The following EXOC3 variants were observed in gnomAD, a reference collection of about 807,000 sequenced individuals.
EXOC3 encodes the protein SEC6-like 1.
Under a neutral mutation model 73.7 loss-of-function variants are expected in EXOC3, and 21 were observed. The ratio of observed to expected loss-of-function variants is 0.29; its 90% CI spans 0.20 to 0.41. EXOC3 has a LOEUF of 0.41. Ranked by LOEUF, EXOC3 falls within the 10% of genes least tolerant of loss-of-function variation. The probability of loss-of-function intolerance (pLI) is 1.00; values close to 1 mark genes in which losing one functional copy is unlikely to be tolerated. For missense variants in EXOC3, 842 were observed against 985.1 expected (o/e 0.85, Z 1.95); for synonymous variants, 410 against 389.1 (o/e 1.05, Z -0.63).
intron 12 of EXOC3, chr5:466,472 T>C: frequency 2.0e-6 from 1 of 495,220 alleles, no homozygotes. Context: ...CTCCACGGTC[T>C]CCCCTCTGGT....
intron 3 of EXOC3, 48 bp from the exon 4 acceptor site, chr5:453,322 T>G: frequency 2.8e-6 from 4 of 1,447,158 alleles, no homozygotes; most frequent in Non-Finnish European, 3.8e-6. Flanking sequence ...CAGGCAGCCT[T>G]TTATGTGGTG....
At position 465,168 on chromosome 5, in the gene EXOC3, C is replaced by A. The variant is rs1401308315; in HGVS notation, c.1834C>A (p.Gln612Lys). Reference protein sequence around the residue: ...VVVEYLRAVMQKRISFRSPEE... With the variant: ...VVVEYLRAVMKKRISFRSPEE... ...GGTGGAGTACCTGCGGGCGGTCATG[C>A]AGAAGCGCATTTCCTTCCGGAGCCC... The change falls in exon 11 of 13, where the codon CAG becomes AAG. Residue 612 changes from glutamine (Q) to lysine (K), a missense_variant. By Grantham distance (53) the Gln-to-Lys change is moderately conservative. Coordinates refer to ENST00000512944, the MANE Select transcript of EXOC3 (RefSeq NM_007277.5). 1.3e-6 allele frequency: 2 copies of A among 1,597,166 alleles called. No individual in the cohort carries two copies. Among genetic ancestry groups the A allele is most frequent in the Non-Finnish European group, 1.7e-6 (2 of 1,172,598 alleles).
intron 1 of EXOC3, 43 bp from the exon 2 acceptor site, chr5:446,107 G>A: frequency 7.2e-7 from 1 of 1,382,688 alleles, no homozygotes; most frequent in East Asian, 2.3e-5. Context: ...GTTTGGGGGA[G>A]GTTTTGTACC....
chr5:464,561 C>G (rs933238085), intron 10 of EXOC3, 149 bp downstream of exon 10: 1 of 775,040 alleles, frequency 1.3e-6, no homozygotes, highest in Non-Finnish European at 2.1e-6. Flanking sequence ...GCTCTGCGGA[C>G]GCCACCTCCC....
intron 9 of EXOC3, among the ~76,000 whole-genome samples, chr5:464,039 G>T (rs1006982491): frequency 6.6e-6 from 1 of 152,270 alleles, no homozygotes; most frequent in Non-Finnish European, 1.5e-5. Context: ...GCAGTGTGAC[G>T]TAGCAAAGAT....
intron 1 of EXOC3, among the ~76,000 whole-genome samples, chr5:445,441 C>T (rs1386457628): frequency 3.3e-5 from 5 of 151,876 alleles, no homozygotes; most frequent in Admixed American, 1.3e-4. Flanking sequence ...GCTCCGCCTC[C>T]GGGGTTCACG....
intron 3 of EXOC3, among the ~76,000 whole-genome samples, chr5:450,477 G>A (rs1737631612): frequency 1.3e-5 from 2 of 152,214 alleles, no homozygotes; most frequent in South Asian, 2.1e-4. Context: ...CCTGAAGACT[G>A]TCCCATGTGC....
chr5:458,175 C>A, intron 6 of EXOC3, 150 bp downstream of exon 6: 2 of 779,108 alleles, frequency 2.6e-6, no homozygotes, highest in Non-Finnish European at 4.0e-6. Flanking sequence ...TAAGTCCTCT[C>A]CTCTCTCTGT....
chr5:453,621 C>G lies in EXOC3; in HGVS notation c.616C>G (p.Pro206Ala), dbSNP rs780454697. ...GTCACTGGTCACTGTCCGCCGTGAC[C>G]CCACCTTGCTGGTCTCAGTTGTCAG... is the stretch of plus-strand genomic sequence containing the variant. The part of the protein sequence containing the change: ...QRSLVTVRRD[P>A]TLLVSVVRII... The change falls in exon 4 of 13, where the codon CCC (proline) becomes GCC (alanine). Residue 206 changes from proline to alanine, a missense_variant. Physicochemically the swap from Pro to Ala is conservative, Grantham distance 27. Transcript: ENST00000512944. The G allele has an allele frequency of 1.2e-6, 2 of 1,613,874 alleles. No individual in the cohort carries two copies. Among genetic ancestry groups the G allele is most frequent in the African/African-American group, 1.3e-5 (1 of 74,918 alleles).
At position 456,875 on chromosome 5, in the gene EXOC3, T is replaced by C; in HGVS notation, c.1047-14T>C. 3 of 1,600,830 alleles carry C rather than the reference T, an allele frequency of 1.9e-6. No homozygotes were observed. The highest frequency in any genetic ancestry group is 1.7e-6 in the Non-Finnish European group (2 of 1,168,034). On this transcript the variant is annotated splice_polypyrimidine_tract_variant and intron_variant, in intron 4 of 12. Transcript: ENST00000512944. ...TGTCGTGGTTTGTCACTCACATTCC[T>C]GGTTCCCCCATAGTACTGAGATGAT... is the stretch of plus-strand genomic sequence containing the variant.
intron 1 of EXOC3, among the ~76,000 whole-genome samples, chr5:444,623 C>T (rs1035859337): frequency 6.6e-6 from 1 of 152,264 alleles, no homozygotes; most frequent in African/African-American, 2.4e-5. Flanking sequence ...GGAATCTTAG[C>T]TTTAAAAGAA....
rs146492971 is a variant in EXOC3, at chr5:446,075, G to C, written c.-56-75G>C. ...AATGATCTCAGAGGCTCTGCTTGTA[G>C]CTCCACTGTGATCACCTGATAGTTT... On this transcript the variant is annotated intron_variant, in intron 1 of 12. Transcript: ENST00000512944. 1.1e-3 allele frequency: 1,130 copies of C among 996,454 alleles called. 7 individuals are homozygous for C. The African/African-American group carries it at 0.016, about 14-fold the overall frequency. The allele number at this position is 996,454 out of a possible 1,614,324, so 61.7% of individuals were successfully genotyped here. A position where few individuals can be genotyped will look rare whatever the true frequency, so the allele number is the denominator to read the frequency against.
At chr5:460,499 C>T (rs987522597) in intron 7 of EXOC3, among the ~76,000 whole-genome samples, 10 of 152,204 alleles carry the variant, frequency 6.6e-5, no homozygotes, top group African/African-American at 2.4e-4. Flanking sequence ...CATTTGCCAT[C>T]CATCGATAGG....
rs1437172275 is a variant in EXOC3, at chr5:453,414, G to A, written c.409G>A (p.Ala137Thr). ...RETQDLIEQGALLQAHRKLMD... is the reference protein window; with the variant it reads ...RETQDLIEQGTLLQAHRKLMD... ...GACCCAGGACCTAATTGAACAAGGG[G>A]CACTCCTGCAAGCCCACCGGAAGCT... Residue 137 changes from alanine (A) to threonine (T), a missense_variant, in exon 4 of 13, where the codon GCA becomes ACA. Coordinates refer to ENST00000512944, the MANE Select transcript of EXOC3 (RefSeq NM_007277.5). 1.9e-6 allele frequency: 3 copies of A among 1,600,306 alleles called. No individual in the cohort carries two copies. The highest frequency in any genetic ancestry group is 2.6e-6 in the Non-Finnish European group (3 of 1,173,398).
intron 7 of EXOC3, among the ~76,000 whole-genome samples, chr5:460,881 C>T (rs1409956436): frequency 6.6e-6 from 1 of 152,244 alleles, no homozygotes; most frequent in Non-Finnish European, 1.5e-5. Context: ...GAAATGCTAA[C>T]TTCTTTCCCT....
Position 465,120 on chromosome 5 carries a change from G to C in EXOC3, c.1786G>C (p.Ala596Pro). 6.3e-7 allele frequency: 1 copy of C among 1,581,468 alleles called. No individual in the cohort carries two copies. Among genetic ancestry groups the C allele is most frequent in the Non-Finnish European group, 8.6e-7 (1 of 1,165,716 alleles). ...GCGCGTGTCTCCCCAGAGGATGACGGCCGAGGCGCACCGGCGCGTGGTGGT... is the reference window on the plus strand; with the variant it reads ...GCGCGTGTCTCCCCAGAGGATGACGCCCGAGGCGCACCGGCGCGTGGTGGT... ...IKKPYKKRMT[A>P]EAHRRVVVEY... Residue 596 changes from alanine (A) to proline (P), a missense_variant, in exon 11 of 13, where the codon GCC (alanine) becomes CCC (proline). Coordinates refer to ENST00000512944, the MANE Select transcript of EXOC3 (RefSeq NM_007277.5).
In EXOC3 at chr5:446,325, G is replaced by T. The variant is rs1401347441; in HGVS notation, c.120G>T (p.Lys40Asn). 6.8e-6 allele frequency: 11 copies of T among 1,610,922 alleles called. No individual in the cohort carries two copies. Among genetic ancestry groups the T allele is most frequent in the Non-Finnish European group, 9.3e-6 (11 of 1,178,314 alleles). ...ATCGCAGGAGAGAAGCGCGGAAGAA[G>T]GCCTCCGTGGAGGCCAGATTGAAGG... ...EQYRRREARK[K>N]ASVEARLKAA... Residue 40 changes from lysine to asparagine, a missense_variant, in exon 2 of 13, where the codon AAG becomes AAT. Transcript: ENST00000512944.
chr5:462,992 C>T (rs1245694650), intron 9 of EXOC3, among the ~76,000 whole-genome samples: 1 of 152,212 alleles, frequency 6.6e-6, no homozygotes, highest in Non-Finnish European at 1.5e-5. Flanking sequence ...GTAATCCCAG[C>T]TGCTTGGGAG....
At chr5:455,130 G>A (rs1031532425) in intron 4 of EXOC3, among the ~76,000 whole-genome samples, 2 of 152,146 alleles carry the variant, frequency 1.3e-5, no homozygotes, top group Non-Finnish European at 2.9e-5. Context: ...CGCCCATTCT[G>A]TAGCCTTGAC....
Sources: gnomAD v4.1 joint callset for allele counts (sites outside exome capture counted in the v4.1 genomes callset) on GRCh38, gnomAD v4.1.1 for gene constraint, MANE v1.5 for transcripts, NCBI Gene and HGNC (gene_info 2026-07-23, HGNC 2026-07-21) for gene names.